The following ASF1A variants were observed in gnomAD, a reference collection of about 807,000 sequenced individuals.
ASF1A encodes the protein anti-silencing function 1A histone chaperone.
Under a neutral mutation model 22.0 loss-of-function variants are expected in ASF1A, and 5 were observed. The ratio of observed to expected loss-of-function variants is 0.23; its 90% CI spans 0.12 to 0.48. ASF1A has a LOEUF of 0.48. ASF1A is among the 20% of genes least tolerant of loss of function. The pLI, the probability that ASF1A is intolerant of heterozygous loss-of-function variation, is 0.99. For missense variants in ASF1A, 137 were observed against 240.6 expected, an observed-to-expected ratio of 0.57 and a Z score of 2.85; for synonymous variants, 97 against 86.7, an observed-to-expected ratio of 1.12 and a Z score of -0.66.
chr6:118,907,041 C>T (rs1780230723), intron 3 of ASF1A, among the ~76,000 whole-genome samples: 1 of 152,100 alleles, frequency 6.6e-6, no homozygotes, highest in African/African-American at 2.4e-5. Flanking sequence ...TGAAAACATA[C>T]CAATCTAAAC....
At chr6:118,905,965 C>CT (rs1228770027) in intron 3 of ASF1A, 137 bp downstream of exon 3, 6 of 595,602 alleles carry the variant, frequency 1.0e-5, no homozygotes, top group African/African-American at 1.9e-5. Flanking sequence ...ACTGGGCAAA[C>CT]TAATTATTGT....
At chr6:118,897,320 T>G (rs2114500712) in intron 1 of ASF1A, among the ~76,000 whole-genome samples, 1 of 152,252 alleles carries the variant, frequency 6.6e-6, no homozygotes, top group Admixed American at 6.5e-5. Context: ...CTTAAGATAA[T>G]TTGGTTCTTT....
chr6:118,905,595 C>G, intron 2 of ASF1A, 57 bp from the exon 3 acceptor site: 1 of 1,416,880 alleles, frequency 7.1e-7, no homozygotes, highest in Non-Finnish European at 9.5e-7. Context: ...TCCAGTCTTG[C>G]CTGCCACTAA....
chr6:118,900,990 C>T, intron 2 of ASF1A, 109 bp downstream of exon 2: 2 of 746,974 alleles, frequency 2.7e-6, no homozygotes, highest in Middle Eastern at 5.3e-4. Context: ...AGAACTGCTT[C>T]TGCTGCATTC....
At chr6:118,904,879 C>T (rs767016376) in intron 2 of ASF1A, among the ~76,000 whole-genome samples, 27 of 152,202 alleles carry the variant, frequency 1.8e-4, no homozygotes, top group Non-Finnish European at 3.5e-4. Flanking sequence ...CACTCTGTCG[C>T]CAGGCTGGAG....
chr6:118,904,992 C>T (rs908338436), intron 2 of ASF1A, among the ~76,000 whole-genome samples: 2 of 152,176 alleles, frequency 1.3e-5, no homozygotes, highest in Admixed American at 1.3e-4. Flanking sequence ...CACCCGCCAC[C>T]ATGCCCAGCT....
Position 118,907,682 on chromosome 6 carries a change from G to A in ASF1A, c.*68G>A, listed in dbSNP as rs117626273. 254 of 1,255,176 alleles carry A rather than the reference G, an allele frequency of 2.0e-4. No individual in the cohort carries two copies. In the East Asian group the frequency reaches 3.7e-3, roughly 19 times the overall value. The allele number at this position is 1,255,176 out of a possible 1,614,324, so 77.8% of individuals were successfully genotyped here. On this transcript the variant is annotated 3_prime_UTR_variant, in exon 4 of 4. Transcript: ENST00000229595. Reference sequence around the variant, plus strand: ...CACAGAACTATTTCCCTGAAATTCCGTAAGTACATAGTCAAAACACAATGT... The same window carrying A: ...CACAGAACTATTTCCCTGAAATTCCATAAGTACATAGTCAAAACACAATGT...
At chr6:118,894,813 C>G (rs944088341) in intron 1 of ASF1A, among the ~76,000 whole-genome samples, 2 of 152,220 alleles carry the variant, frequency 1.3e-5, no homozygotes, top group African/African-American at 4.8e-5. Flanking sequence ...GACCCGCACT[C>G]GCTCCCGCTG....
At chr6:118,896,171 T>C (rs749539279) in intron 1 of ASF1A, among the ~76,000 whole-genome samples, 1 of 152,112 alleles carries the variant, frequency 6.6e-6, no homozygotes, top group Non-Finnish European at 1.5e-5. Flanking sequence ...GTATTTTTCT[T>C]ATTACTCTGA....
chr6:118,899,894 AG>A (rs1249120904), intron 1 of ASF1A, among the ~76,000 whole-genome samples: 1 of 152,212 alleles, frequency 6.6e-6, no homozygotes, highest in Non-Finnish European at 1.5e-5. Flanking sequence ...GAAGATGAAG[AG>A]GTCTCTCAGA....
chr6:118,895,182 G>A (rs925295546), intron 1 of ASF1A, among the ~76,000 whole-genome samples: 1 of 151,864 alleles, frequency 6.6e-6, no homozygotes, highest in Admixed American at 6.6e-5. Context: ...GGCGGGCGCA[G>A]GCTCGGCCCC....
intron 1 of ASF1A, among the ~76,000 whole-genome samples, chr6:118,900,369 AAG>A (rs869038132): frequency 6.6e-6 from 1 of 152,188 alleles, no homozygotes; most frequent in Non-Finnish European, 1.5e-5. Context: ...TATACAAAAA[AAG>A]GGGGATTCCA....
intron 1 of ASF1A, among the ~76,000 whole-genome samples, chr6:118,899,522 G>A (rs866326585): frequency 6.6e-6 from 1 of 152,162 alleles, no homozygotes; most frequent in Non-Finnish European, 1.5e-5. Flanking sequence ...ATGATCTCAG[G>A]AGATGTCAGA....
Position 118,907,529 on chromosome 6 carries a change from A to G in ASF1A, c.530A>G (p.Asp177Gly), listed in dbSNP as rs747014984. The part of the protein sequence containing the change: ...NPNLQSLLST[D>G]ALPSASKGWS... ...AATCTACAGTCACTTCTTTCAACAG[A>G]TGCATTACCTTCAGCATCAAAGGGA... is the stretch of plus-strand genomic sequence containing the variant. Residue 177 changes from aspartate (D) to glycine (G), a missense_variant, in exon 4 of 4, where the codon GAT becomes GGT. This residue lies in a region of ASF1A where 41 missense variants were observed against 43.9 expected (regional missense o/e 0.93). Transcript: ENST00000229595. 4 of 1,613,704 alleles carry G rather than the reference A, an allele frequency of 2.5e-6. No individual in the cohort carries two copies. The highest frequency in any genetic ancestry group is 3.4e-6 in the Non-Finnish European group (4 of 1,179,690).
chr6:118,898,966 C>T (rs1460456584), intron 1 of ASF1A, among the ~76,000 whole-genome samples: 2 of 152,156 alleles, frequency 1.3e-5, no homozygotes, highest in African/African-American at 4.8e-5. Context: ...TTCAGTATCT[C>T]TGCTTAGAAG....
At chr6:118,907,216 T>C (rs191749109) in intron 3 of ASF1A, among the ~76,000 whole-genome samples, 186 bp from the exon 4 acceptor site, 1 of 152,344 alleles carries the variant, frequency 6.6e-6, no homozygotes, top group East Asian at 1.9e-4. Flanking sequence ...AAATAACTTC[T>C]TTGCTACAGC....
intron 1 of ASF1A, among the ~76,000 whole-genome samples, 191 bp from the exon 2 acceptor site, chr6:118,900,575 T>C (rs1779742556): frequency 6.6e-6 from 1 of 152,210 alleles, no homozygotes; most frequent in African/African-American, 2.4e-5. Flanking sequence ...AAAGAGTATT[T>C]TGAGAAACTC....
rs116227099 is a variant in ASF1A at position 118,899,466 on chromosome 6, G to A, written c.110-1300G>A. Among the ~76,000 whole-genome samples, 605 of 152,116 alleles carry A rather than the reference G, an allele frequency of 4.0e-3. 2 individuals carry two copies. Among genetic ancestry groups the A allele is most frequent in the African/African-American group, 0.014 (572 of 41,474 alleles). On this transcript the variant is annotated intron_variant, in intron 1 of 3. Coordinates refer to ENST00000229595, the MANE Select transcript of ASF1A (RefSeq NM_014034.3). The stretch of plus-strand genomic sequence containing the variant: ...GGCCTTTGTATTTGCTGTTCCCTCT[G>A]GCGAGATACTTATATTGCCTACTTC...
chr6:118,907,578 A>G lies in ASF1A; in HGVS notation c.579A>G (p.Leu193=), dbSNP rs1780261754. The G allele has an allele frequency of 2.5e-6, 4 of 1,613,534 alleles. No individual in the cohort carries two copies. The East Asian group carries it at 8.9e-5, about 36-fold the overall frequency. The change falls in exon 4 of 4, where the codon CTA becomes CTG. Residue 193 remains leucine (L), a synonymous_variant. Coordinates refer to ENST00000229595, the MANE Select transcript of ASF1A (RefSeq NM_014034.3). ...GATGGTCCACATCAGAAAACTCACTAAATGTCATGTTAGAATCCCACATGG... is the reference window on the plus strand; with the variant it reads ...GATGGTCCACATCAGAAAACTCACTGAATGTCATGTTAGAATCCCACATGG... ...SKGWSTSENS[L]NVMLESHMDC... is the part of the protein sequence containing the mutation.
Sources: allele counts gnomAD v4.1 joint callset (sites outside exome capture counted in the v4.1 genomes callset), GRCh38; gene constraint gnomAD v4.1.1; regional missense constraint gnomAD v4.1.1; transcripts MANE v1.5; gene names NCBI Gene and HGNC (gene_info 2026-07-23, HGNC 2026-07-21).